The following ESYT2 variants were observed in gnomAD, a reference collection of about 807,000 sequenced individuals.
The protein encoded by ESYT2 is extended synaptotagmin-2.
ESYT2 carries 54 observed loss-of-function variants against 107.2 expected under a neutral mutation model. The ratio of observed to expected loss-of-function variants is 0.50; its 90% CI spans 0.40 to 0.63. ESYT2 has a LOEUF of 0.63. ESYT2 is among the 30% of genes least tolerant of loss of function. The pLI, the probability that ESYT2 is intolerant of heterozygous loss-of-function variation, is 0.00. For synonymous variants in ESYT2, 491 were observed against 434.1 expected (o/e 1.13, Z -1.63); for missense variants, 1,020 against 1,094.5 (o/e 0.93, Z 0.96).
At chr7:158,782,167 AGT>A (rs1838877057) in intron 6 of ESYT2, among the ~76,000 whole-genome samples, 11 of 151,912 alleles carry the variant, frequency 7.2e-5, no homozygotes, top group Admixed American at 6.6e-4. Context: ...GTGTGAGAAC[AGT>A]GAGGTGTGAG....
At chr7:158,774,030 C>A (rs972015082) in intron 6 of ESYT2, among the ~76,000 whole-genome samples, 2 of 152,282 alleles carry the variant, frequency 1.3e-5, no homozygotes, top group African/African-American at 4.8e-5. Flanking sequence ...AGAATAATTC[C>A]CAGTTAGCTA....
At chr7:158,780,844 G>C (rs754166135) in intron 6 of ESYT2, among the ~76,000 whole-genome samples, 5 of 152,256 alleles carry the variant, frequency 3.3e-5, no homozygotes, top group African/African-American at 4.8e-5. Context: ...CTGTCCCTGA[G>C]CACAGGGAAT....
intron 14 of ESYT2, 24 bp downstream of exon 14, chr7:158,752,757 T>C (rs912286736): frequency 1.5e-6 from 2 of 1,290,964 alleles, no homozygotes; most frequent in Non-Finnish European, 2.0e-6. Context: ...ATTAACTCTG[T>C]GACCTGAAGG....
At chr7:158,784,644 C>A (rs938144379) in intron 6 of ESYT2, among the ~76,000 whole-genome samples, 1 of 152,208 alleles carries the variant, frequency 6.6e-6, no homozygotes, top group Non-Finnish European at 1.5e-5. Flanking sequence ...CAACTGCAGT[C>A]CCCTGTACAC....
chr7:158,787,860 CA>C lies in ESYT2; in HGVS notation c.747+143del, dbSNP rs1386814179. On this transcript the variant is annotated intron_variant, in intron 6 of 22. Coordinates refer to ENST00000275418, the MANE Select transcript of ESYT2 (RefSeq NM_001367773.1). The stretch of plus-strand genomic sequence containing the variant: ...CTCTCAGTTAAGGCACAAAGAAATA[CA>C]AAAAACTCCCACAGGATTCACACAA... The C allele has an allele frequency of 1.7e-5, 10 of 605,134 alleles. No individual in the cohort carries two copies. The East Asian group carries it at 2.5e-4, about 15-fold the overall frequency. 37.5% of individuals were successfully genotyped at this position (605,134 alleles called of 1,614,324 possible).
At chr7:158,809,970 A>C (rs1157738217) in intron 1 of ESYT2, among the ~76,000 whole-genome samples, 1 of 152,352 alleles carries the variant, frequency 6.6e-6, no homozygotes. Flanking sequence ...TTTGTGAATC[A>C]TTCTTTGCTC....
intron 6 of ESYT2, among the ~76,000 whole-genome samples, chr7:158,781,542 C>G (rs1037466452): frequency 6.7e-6 from 1 of 150,190 alleles, no homozygotes; most frequent in Non-Finnish European, 1.5e-5. Flanking sequence ...AGTGTAAGAA[C>G]GAGAACAAGT....
chr7:158,788,482 C>A, intron 4 of ESYT2, 65 bp from the exon 5 acceptor site: 1 of 1,320,698 alleles, frequency 7.6e-7, no homozygotes, highest in Non-Finnish European at 1.1e-6. Flanking sequence ...CATTATAGAC[C>A]TGCAAGATGT....
intron 6 of ESYT2, among the ~76,000 whole-genome samples, chr7:158,783,083 C>T (rs1020345330): frequency 6.6e-6 from 1 of 152,150 alleles, no homozygotes; most frequent in Non-Finnish European, 1.5e-5. Flanking sequence ...GAGGACTGAG[C>T]TATTTCAGGA....
Position 158,743,634 on chromosome 7 carries a change from G to A in ESYT2, c.1689C>T (p.Val563=). Reference sequence around the variant, plus strand: ...CACTGGTGAGCAGCTGGCTGAGGGGGACCTTCAGGTTCCCCAGGGAACACT... The same window carrying A: ...CACTGGTGAGCAGCTGGCTGAGGGGAACCTTCAGGTTCCCCAGGGAACACT... ...QHQCSLGNLK[V]PLSQLLTSED... is the part of the protein sequence containing the mutation. The change falls in exon 17 of 23, where the codon GTC becomes GTT. Residue 563 remains valine, a synonymous_variant. Transcript: ENST00000275418. 1 of 1,613,508 alleles carries A rather than the reference G, an allele frequency of 6.2e-7. No individual in the cohort carries two copies. The highest frequency in any genetic ancestry group is 8.5e-7 in the Non-Finnish European group (1 of 1,179,818).
intron 19 of ESYT2, among the ~76,000 whole-genome samples, chr7:158,738,098 A>G (rs796548326): frequency 1.1e-4 from 17 of 152,190 alleles, no homozygotes; most frequent in African/African-American, 4.1e-4. Context: ...GCTTCCACCT[A>G]TAGTCCCAGC....
chr7:158,813,731 C>T (rs1840050713), intron 1 of ESYT2, among the ~76,000 whole-genome samples: 1 of 152,094 alleles, frequency 6.6e-6, no homozygotes, highest in African/African-American at 2.4e-5. Context: ...GGGAGAGCAC[C>T]TCTGTTCCTC....
intron 1 of ESYT2, among the ~76,000 whole-genome samples, chr7:158,825,317 A>T (rs983621358): frequency 6.6e-6 from 1 of 151,924 alleles, no homozygotes; most frequent in Non-Finnish European, 1.5e-5. Context: ...AAATGAAATA[A>T]TAAATAAATA....
chr7:158,748,876 T>C (rs61399093), intron 15 of ESYT2, among the ~76,000 whole-genome samples: 20,861 of 149,856 alleles, frequency 0.14, 1,650 homozygotes, highest in East Asian at 0.23. Context: ...CGTGCCACCA[T>C]GCCCAGCTAA....
intron 4 of ESYT2, among the ~76,000 whole-genome samples, chr7:158,789,454 T>C (rs1386075391): frequency 6.6e-6 from 1 of 152,142 alleles, no homozygotes. Flanking sequence ...CTATCTGGGT[T>C]CAGGTGATTC....
At chr7:158,778,822 C>G (rs2129472774) in intron 6 of ESYT2, among the ~76,000 whole-genome samples, 1 of 151,742 alleles carries the variant, frequency 6.6e-6, no homozygotes, top group East Asian at 1.9e-4. Flanking sequence ...AAAACGACAT[C>G]ACACCGTGTG....
intron 6 of ESYT2, among the ~76,000 whole-genome samples, chr7:158,787,745 C>G (rs188799311): frequency 2.6e-5 from 4 of 152,252 alleles, no homozygotes; most frequent in African/African-American, 9.6e-5. Flanking sequence ...AAAATGTGAG[C>G]TAAGACCCAC....
intron 18 of ESYT2, among the ~76,000 whole-genome samples, chr7:158,741,218 G>C (rs1007952514): frequency 6.6e-6 from 1 of 152,220 alleles, no homozygotes; most frequent in Non-Finnish European, 1.5e-5. Context: ...TCCTGGCAGA[G>C]GCCCAGGCAC....
chr7:158,785,426 A>AAAT, intron 6 of ESYT2, among the ~76,000 whole-genome samples: 2 of 144,030 alleles, frequency 1.4e-5, no homozygotes, highest in South Asian at 2.3e-4. Flanking sequence ...ACTCCGTCTC[A>AAAT]AAATAAATAA....
Sources: gnomAD v4.1 joint callset for allele counts (sites outside exome capture counted in the v4.1 genomes callset) on GRCh38, gnomAD v4.1.1 for gene constraint, MANE v1.5 for transcripts, NCBI Gene and HGNC (gene_info 2026-07-23, HGNC 2026-07-21) for gene names.